Variants in ZNF710 observed in about 807,000 individuals in gnomAD.
ZNF710 encodes the protein zinc finger protein 710.
ZNF710 carries 13 observed loss-of-function variants against 50.6 expected under a neutral mutation model. The ratio of observed to expected loss-of-function variants is 0.26; its 90% CI spans 0.17 to 0.41. The LOEUF is 0.41. Ranked by LOEUF, ZNF710 falls within the 10% of genes least tolerant of loss-of-function variation. The pLI, the probability that ZNF710 is intolerant of heterozygous loss-of-function variation, is 1.00. For synonymous variants in ZNF710, 383 were observed against 397.0 expected (o/e 0.96, Z 0.42); for missense variants, 721 against 936.6 (o/e 0.77, Z 3.01).
chr15:90,000,881 CCCGGGCCCCCTTTGTACCGGACAGGG>C (rs1897993366), upstream of ZNF710, among the ~76,000 whole-genome samples: 1 of 152,100 alleles, frequency 6.6e-6, no homozygotes, highest in African/African-American at 2.4e-5. Context: ...GCGCAGGGCC[CCCGGGCCCCCTTTGTACCGGACAGGG>C]CCGGGCCCCC....
chr15:90,019,109 T>C (rs961797094), intron 1 of ZNF710, among the ~76,000 whole-genome samples: 9 of 151,808 alleles, frequency 5.9e-5, no homozygotes, highest in Non-Finnish European at 1.3e-4. Flanking sequence ...TTTAGTATAT[T>C]GTATAGCCCC....
At chr15:90,058,555 A>T (rs1444898153) in intron 1 of ZNF710, among the ~76,000 whole-genome samples, 1 of 151,778 alleles carries the variant, frequency 6.6e-6, no homozygotes, top group Non-Finnish European at 1.5e-5. Context: ...TTCTCTAGAG[A>T]CACTCCCGTG....
intron 1 of ZNF710, among the ~76,000 whole-genome samples, chr15:90,048,099 CAG>C (rs1899525964): frequency 1.3e-5 from 2 of 152,362 alleles, no homozygotes; most frequent in South Asian, 4.1e-4. Context: ...CTGTCACTCT[CAG>C]GGCAGCCAGC....
chr15:90,042,188 T>G (rs1899316474), intron 1 of ZNF710, among the ~76,000 whole-genome samples: 1 of 152,136 alleles, frequency 6.6e-6, no homozygotes, highest in Non-Finnish European at 1.5e-5. Context: ...AGAGCCACCG[T>G]GCCCGGCCCC....
Position 90,059,757 on chromosome 15 carries a change from C to CTGCGCATGTGAGTAGAG in ZNF710, c.-28-7351_-28-7335dup, listed in dbSNP as rs1206789701. Among the ~76,000 whole-genome samples the CTGCGCATGTGAGTAGAG allele has an allele frequency of 2.6e-5, 4 of 152,232 alleles. No individual in the cohort carries two copies. Among genetic ancestry groups the CTGCGCATGTGAGTAGAG allele is most frequent in the Non-Finnish European group, 5.9e-5 (4 of 68,038 alleles). On this transcript the variant is annotated intron_variant, in intron 1 of 4. Coordinates refer to ENST00000268154, the MANE Select transcript of ZNF710 (RefSeq NM_198526.4). The surrounding 1 kb of genome is among the most constrained non-coding windows in gnomAD (Gnocchi z 4.1). ...TCCAGCTCTCGCTTCCTCTTCCCTT[C>CTGCGCATGTGAGTAGAG]TGCGCATGTGAGTAGAGTTTCCCTT...
rs370961361 is a variant in ZNF710, at chr15:90,079,703, C to G, written c.1869C>G (p.Asp623Glu). 1.2e-6 allele frequency: 2 copies of G among 1,613,948 alleles called. No individual in the cohort carries two copies. The change falls in exon 5 of 5, where the codon GAC (aspartate) becomes GAG (glutamate). Residue 623 changes from aspartate to glutamate, a missense_variant. Asp to Glu is a conservative substitution (Grantham distance 45, BLOSUM62 2). This residue lies in a region of ZNF710 where 69 missense variants were observed against 67.6 expected (regional missense o/e 1.02). Transcript: ENST00000268154. ...CAGGCACTGACCCTTCAGAGCTCGA[C>G]GGCCAGCAGGAGATGGAGGACTTCG... The part of the protein sequence containing the change: ...ELTGTDPSEL[D>E]GQQEMEDFEE...
At chr15:90,000,562 C>A (rs1264425532), upstream of ZNF710, among the ~76,000 whole-genome samples, 1 of 152,230 alleles carries the variant, frequency 6.6e-6, no homozygotes, top group Non-Finnish European at 1.5e-5. Flanking sequence ...TCCACCCGGG[C>A]CCTGGCGCTC....
chr15:90,054,955 C>T (rs1013824329), intron 1 of ZNF710, among the ~76,000 whole-genome samples: 17 of 152,272 alleles, frequency 1.1e-4, no homozygotes, highest in Admixed American at 1.3e-4. Context: ...CAAGGGGCCT[C>T]TTTTTTCTTT....
At chr15:90,025,525 C>T (rs1428276952) in intron 1 of ZNF710, 4 of 152,116 alleles carry the variant, frequency 2.6e-5, no homozygotes, top group Non-Finnish European at 5.9e-5. Context: ...TCCTCACAGC[C>T]TTTTTCATTG....
intron 1 of ZNF710, among the ~76,000 whole-genome samples, chr15:90,024,445 C>A (rs1273385390): frequency 6.6e-6 from 1 of 152,180 alleles, no homozygotes; most frequent in African/African-American, 2.4e-5. Context: ...TTCTTCCTCC[C>A]ATCTGGTCCA....
At chr15:90,070,488 A>G (rs1323436017) in intron 2 of ZNF710, among the ~76,000 whole-genome samples, 3 of 151,632 alleles carry the variant, frequency 2.0e-5, no homozygotes, top group African/African-American at 7.3e-5. Context: ...CCTGGCTAAC[A>G]TAGTGAAACC....
intron 1 of ZNF710, among the ~76,000 whole-genome samples, chr15:90,007,224 G>T (rs1461072192): frequency 4.6e-5 from 7 of 152,186 alleles, no homozygotes; most frequent in African/African-American, 1.7e-4. Context: ...GGGCTTTGGG[G>T]AGGAAAGGTG....
intron 1 of ZNF710, among the ~76,000 whole-genome samples, chr15:90,003,528 G>T (rs1898067529): frequency 6.6e-6 from 1 of 152,090 alleles, no homozygotes; most frequent in South Asian, 2.1e-4. Flanking sequence ...TGTCCCTATT[G>T]CATCTTCACC....
intron 1 of ZNF710, among the ~76,000 whole-genome samples, chr15:90,019,500 C>T (rs879513293): frequency 8.5e-5 from 13 of 152,108 alleles, no homozygotes; most frequent in Admixed American, 7.2e-4. Flanking sequence ...GTAAATTGCC[C>T]CCAGACACAT....
rs561691778 is a variant in ZNF710 at position 90,013,796 on chromosome 15, C to G, written c.-29+12182C>G. Among the ~76,000 whole-genome samples the G allele has an allele frequency of 2.6e-5, 4 of 152,312 alleles. No individual in the cohort carries two copies. In the East Asian group the frequency reaches 7.7e-4, roughly 29 times the overall value. ...ATCATTTCAGGTCCAATTAAAAACTCAGTATCTCTTGAGCCTTCCCCACAC... is the reference window on the plus strand; with the variant it reads ...ATCATTTCAGGTCCAATTAAAAACTGAGTATCTCTTGAGCCTTCCCCACAC... On this transcript the variant is annotated intron_variant, in intron 1 of 4. Coordinates refer to ENST00000268154, the MANE Select transcript of ZNF710 (RefSeq NM_198526.4).
intron 1 of ZNF710, among the ~76,000 whole-genome samples, chr15:90,016,908 C>G (rs1192223811): frequency 6.6e-6 from 1 of 152,228 alleles, no homozygotes; most frequent in Non-Finnish European, 1.5e-5. Context: ...CAGCCAGCCA[C>G]ATCAGACACT....
chr15:90,021,018 C>G (rs28397646), intron 1 of ZNF710, among the ~76,000 whole-genome samples: 2 of 150,414 alleles, frequency 1.3e-5, no homozygotes, highest in Non-Finnish European at 2.9e-5. Context: ...CACCCCCCCC[C>G]CCTTAGCAGC....
intron 1 of ZNF710, among the ~76,000 whole-genome samples, chr15:90,058,728 T>TATATGTACATGTAC (rs1555458604): frequency 2.7e-5 from 4 of 145,934 alleles, no homozygotes; most frequent in African/African-American, 1.1e-4. Flanking sequence ...TACACACATA[T>TATATGTACATGTAC]ACACACACAC....
Position 90,068,575 on chromosome 15 carries a change from C to A in ZNF710, c.1438C>A (p.Gln480Lys). 6.2e-7 allele frequency: 1 copy of A among 1,602,686 alleles called. No individual in the cohort carries two copies. The highest frequency in any genetic ancestry group is 1.7e-5 in the Admixed American group (1 of 59,890). The change falls in exon 2 of 5, where the codon CAG becomes AAG. Residue 480 changes from glutamine to lysine, a missense_variant. Physicochemically the swap from Gln to Lys is moderately conservative, Grantham distance 53. Around this residue, in one of 3 missense-constraint regions of ZNF710, gnomAD observed 326 missense variants for 522.0 expected, o/e 0.62. Coordinates refer to ENST00000268154, the MANE Select transcript of ZNF710 (RefSeq NM_198526.4). The surrounding 1 kb of genome is among the most constrained non-coding windows in gnomAD (Gnocchi z 5.0). ...GTTCAGCCAGATTCACCACCTCAAG[C>A]AGCACTCCCTCACCCACAAGGTAAG... ...MEFSQIHHLKQHSLTHKGVKE... is the reference protein window; with the variant it reads ...MEFSQIHHLKKHSLTHKGVKE...
Sources: allele counts gnomAD v4.1 joint callset (sites outside exome capture counted in the v4.1 genomes callset), GRCh38; gene constraint gnomAD v4.1.1; regional missense constraint gnomAD v4.1.1; non-coding constraint Gnocchi (gnomAD v3.1); transcripts MANE v1.5; gene names NCBI Gene and HGNC (gene_info 2026-07-23, HGNC 2026-07-21).